Variants in SEPTIN12 observed in about 807,000 individuals in gnomAD.
SEPTIN12 encodes septin 12, also known as septin-12.
SEPTIN12 carries 42 observed loss-of-function variants against 37.7 expected under a neutral mutation model. That is an observed-to-expected ratio of 1.11 (90% CI 0.87 to 1.44). The LOEUF is 1.44. Ranked by LOEUF, SEPTIN12 falls within the 40% of genes most tolerant of loss-of-function variation. The pLI is 0.00. For synonymous variants in SEPTIN12, 254 were observed against 196.7 expected (o/e 1.29, Z -2.44); for missense variants, 613 against 479.2 (o/e 1.28, Z -2.61).
intron 7 of SEPTIN12, 149 bp downstream of exon 7, chr16:4,783,313 T>C: frequency 3.0e-6 from 2 of 675,832 alleles, no homozygotes; most frequent in South Asian, 3.4e-5. Flanking sequence ...TATTTCTTGC[T>C]CACCTTGAGC....
chr16:4,783,530 TGC>T lies in SEPTIN12; in HGVS notation c.656_657del (p.Cys219TyrfsTer10), dbSNP rs772704927. 1 of 1,614,074 alleles carries T rather than the reference TGC, an allele frequency of 6.2e-7. No homozygotes were observed. The highest frequency in any genetic ancestry group is 1.3e-5 in the African/African-American group (1 of 74,930). ...RRIQQNLRTH[C>X]IDVYPQMCFD... ...AAGCACATCTGGGGGTAGACGTCGA[TGC>T]AGTGGGTCCTCAGGTTCTGCTGGAT... On this transcript the variant is annotated frameshift_variant, in exon 7 of 10. Transcript: ENST00000268231. LOFTEE classifies it high-confidence loss of function.
upstream of SEPTIN12, chr16:4,788,736 A>T (rs2141885800): frequency 6.6e-6 from 1 of 152,360 alleles, no homozygotes; most frequent in East Asian, 1.9e-4. Context: ...TAGGAGCCCA[A>T]AGATGTTAAC....
chr16:4,784,088 C>G lies in SEPTIN12; in HGVS notation c.375-20G>C. On this transcript the variant is annotated intron_variant, in intron 4 of 9. Transcript: ENST00000268231. ...TCCCAGCTGAGGCGGGAGGTGGACC[C>G]TCCCCTCAGAACTGTGCTGTGCCCA... is the stretch of plus-strand genomic sequence containing the variant. 1 of 1,613,598 alleles carries G rather than the reference C, an allele frequency of 6.2e-7. No individual in the cohort carries two copies. Among genetic ancestry groups the G allele is most frequent in the Non-Finnish European group, 8.5e-7 (1 of 1,179,842 alleles).
At chr16:4,785,427 G>A (rs1387158486) in intron 4 of SEPTIN12, among the ~76,000 whole-genome samples, 1 of 151,724 alleles carries the variant, frequency 6.6e-6, no homozygotes, top group Non-Finnish European at 1.5e-5. Context: ...AGGTTGAAGG[G>A]GGAGGGGCAC....
intron 7 of SEPTIN12, among the ~76,000 whole-genome samples, chr16:4,780,069 C>G (rs1416701357): frequency 2.0e-5 from 3 of 151,868 alleles, no homozygotes; most frequent in African/African-American, 7.3e-5. Flanking sequence ...TGGTGAAAGG[C>G]CATCTCTGCA....
intron 5 of SEPTIN12, 64 bp downstream of exon 5, chr16:4,783,867 G>A (rs2082402757): frequency 6.2e-7 from 1 of 1,607,876 alleles, no homozygotes; most frequent in Non-Finnish European, 8.5e-7. Context: ...CCATGGTGGG[G>A]ACCCCTTCTC....
intron 7 of SEPTIN12, among the ~76,000 whole-genome samples, chr16:4,780,169 C>A (rs1279255418): frequency 6.6e-6 from 1 of 152,148 alleles, no homozygotes; most frequent in African/African-American, 2.4e-5. Flanking sequence ...CTCACTGCAG[C>A]CTTGACCTCC....
At chr16:4,788,841 C>T (rs957460285), upstream of SEPTIN12, 3 of 152,128 alleles carry the variant, frequency 2.0e-5, no homozygotes, top group African/African-American at 4.8e-5. Context: ...GAGTCTCTGC[C>T]GCTCTGAGTC....
Position 4,777,958 on chromosome 16 carries a change from G to C in SEPTIN12, c.916C>G (p.His306Asp), listed in dbSNP as rs746258840. 2 of 1,610,978 alleles carry C rather than the reference G, an allele frequency of 1.2e-6. No homozygotes were observed. Among genetic ancestry groups the C allele is most frequent in the Non-Finnish European group, 1.7e-6 (2 of 1,178,770 alleles). Residue 306 changes from histidine to aspartate, a missense_variant, in exon 10 of 10, where the codon CAC (histidine) becomes GAC (aspartate). Transcript: ENST00000268231. ...CTGATGACGCGGTAGTTCTCATAGT[G>C]GATGTTGTGGGTTATGTCCTTCAGG... is the stretch of plus-strand genomic sequence containing the variant. The part of the protein sequence containing the change: ...QDLKDITHNI[H>D]YENYRVIRLN...
Position 4,787,612 on chromosome 16 carries a change from G to A in SEPTIN12, c.34C>T (p.Leu12=), listed in dbSNP as rs767376099. Residue 12 remains leucine, a synonymous_variant, in exon 2 of 10, where the codon CTG becomes TTG. Coordinates refer to ENST00000268231, the MANE Select transcript of SEPTIN12 (RefSeq NM_144605.5). The stretch of plus-strand genomic sequence containing the variant: ...CTGGGGCTGGAGGGCTGCGAGGACA[G>A]GCAGGGAGAGGGGGAGCGCCTCAGG... The part of the protein sequence containing the change: ...DPLRRSPSPC[L]SSQPSSPSTP... 6.2e-7 allele frequency: 1 copy of A among 1,602,120 alleles called. No individual in the cohort carries two copies. Among genetic ancestry groups the A allele is most frequent in the Admixed American group, 1.7e-5 (1 of 59,960 alleles).
In SEPTIN12 at chr16:4,778,006, A is replaced by AC; in HGVS notation, c.876-9dup. 6.2e-7 allele frequency: 1 copy of AC among 1,611,952 alleles called. No homozygotes were observed. The highest frequency in any genetic ancestry group is 8.5e-7 in the Non-Finnish European group (1 of 1,179,024). On this transcript the variant is annotated splice_polypyrimidine_tract_variant and intron_variant, in intron 9 of 9. Coordinates refer to ENST00000268231, the MANE Select transcript of SEPTIN12 (RefSeq NM_144605.5). ...AGGTCTTGGAGGTGGGAGCTGGGGG[A>AC]CCGGAGACGGTCAGCCCCGATGGTG...
At chr16:4,782,390 T>C (rs1032265129) in intron 7 of SEPTIN12, among the ~76,000 whole-genome samples, 1 of 152,244 alleles carries the variant, frequency 6.6e-6, no homozygotes, top group Non-Finnish European at 1.5e-5. Flanking sequence ...GGGGCTAAAA[T>C]AAATAATGCT....
intron 6 of SEPTIN12, 28 bp downstream of exon 6, chr16:4,783,621 C>T: frequency 6.2e-7 from 1 of 1,612,342 alleles, no homozygotes. Context: ...CCCCGCTGAC[C>T]CCAGCCCTGC....
intron 8 of SEPTIN12, among the ~76,000 whole-genome samples, chr16:4,778,705 C>T (rs2082340030): frequency 6.6e-6 from 1 of 152,024 alleles, no homozygotes; most frequent in African/African-American, 2.4e-5. Flanking sequence ...GAGGCTGAGG[C>T]AGGAGAATCG....
chr16:4,781,943 CTT>C (rs571415645), intron 7 of SEPTIN12, among the ~76,000 whole-genome samples: 7 of 47,446 alleles, frequency 1.5e-4, no homozygotes, highest in Admixed American at 6.8e-4. Context: ...CGTGCCCGGC[CTT>C]TTTTTTTTTT....
upstream of SEPTIN12, among the ~76,000 whole-genome samples, chr16:4,789,594 G>A (rs2082518926): frequency 6.6e-6 from 1 of 152,136 alleles, no homozygotes; most frequent in African/African-American, 2.4e-5. Context: ...CCAAAGTGCT[G>A]GGATTACAGG....
At chr16:4,787,431 CGCGTA>C in intron 2 of SEPTIN12, 44 bp downstream of exon 2, 1 of 1,573,536 alleles carries the variant, frequency 6.4e-7, no homozygotes, top group Non-Finnish European at 8.7e-7. Context: ...CGCCCAGGCA[CGCGTA>C]GCACTGTGGG....
chr16:4,777,918 T>C lies in SEPTIN12; in HGVS notation c.956A>G (p.His319Arg), dbSNP rs1229950991. 5.0e-6 allele frequency: 8 copies of C among 1,604,770 alleles called. No individual in the cohort carries two copies. Among genetic ancestry groups the C allele is most frequent in the Non-Finnish European group, 1.7e-6 (2 of 1,176,270 alleles). Residue 319 changes from histidine (H) to arginine (R), a missense_variant, in exon 10 of 10, where the codon CAC becomes CGC. His to Arg is a conservative substitution (Grantham distance 29, BLOSUM62 0). Transcript: ENST00000268231. ...NYRVIRLNES[H>R]LLPRGPGWVN... ...CCAGCCGGGCCCGCGGGGCAGCAGG[T>C]GGCTTTCATTGAGTCTGATGACGCG...
upstream of SEPTIN12, among the ~76,000 whole-genome samples, chr16:4,790,879 G>A (rs780499859): frequency 3.3e-5 from 5 of 152,230 alleles, no homozygotes; most frequent in Admixed American, 6.5e-5. Flanking sequence ...TGGCAGGGAC[G>A]ATGGGGCACA....
Sources: allele counts gnomAD v4.1 joint callset (sites outside exome capture counted in the v4.1 genomes callset), GRCh38; gene constraint gnomAD v4.1.1; transcripts MANE v1.5; gene names NCBI Gene and HGNC (gene_info 2026-07-23, HGNC 2026-07-21).